Variants in RORB observed in about 807,000 individuals in gnomAD.
The protein encoded by RORB is nuclear receptor ROR-beta.
Under a neutral mutation model 59.1 loss-of-function variants are expected in RORB, and 6 were observed. The ratio of observed to expected loss-of-function variants is 0.10; its 90% CI spans 0.06 to 0.20. The LOEUF (loss-of-function observed/expected upper bound fraction) is 0.20, where lower values mean the gene tolerates loss of function less well. Ranked by LOEUF, RORB falls within the 10% of genes least tolerant of loss-of-function variation. RORB has a pLI of 1.00. For synonymous variants in RORB, 215 were observed against 204.5 expected, an observed-to-expected ratio of 1.05 and a Z score of -0.44; for missense variants, 320 against 560.5, an observed-to-expected ratio of 0.57 and a Z score of 4.33.
At chr9:74,583,108 C>T (rs527955308) in intron 1 of RORB, among the ~76,000 whole-genome samples, 3 of 152,212 alleles carry the variant, frequency 2.0e-5, no homozygotes, top group Admixed American at 6.5e-5. Context: ...CTCCCTCTAC[C>T]CACCCTCTTT....
Position 74,630,384 on chromosome 9 carries a change from C to T in RORB, c.93+17C>T, listed in dbSNP as rs369568665. 3.3e-5 allele frequency: 53 copies of T among 1,599,100 alleles called. No homozygotes were observed. The African/African-American group carries it at 5.4e-4, about 16-fold the overall frequency. On this transcript the variant is annotated intron_variant, in intron 2 of 9. Coordinates refer to ENST00000376896, the MANE Select transcript of RORB (RefSeq NM_006914.4). ...GGCTGCAAGGTATGGGACTTTCATACAGCACGGTTCTGTATTTGCCTCAGG... is the reference window on the plus strand; with the variant it reads ...GGCTGCAAGGTATGGGACTTTCATATAGCACGGTTCTGTATTTGCCTCAGG...
intron 1 of RORB, among the ~76,000 whole-genome samples, chr9:74,527,695 A>C (rs767848238): frequency 6.6e-6 from 1 of 152,032 alleles, no homozygotes; most frequent in Non-Finnish European, 1.5e-5. Flanking sequence ...AAGATTTCCA[A>C]GTCTGATCAC....
At chr9:74,522,886 T>C (rs536837384) in intron 1 of RORB, among the ~76,000 whole-genome samples, 1 of 151,966 alleles carries the variant, frequency 6.6e-6, no homozygotes. Context: ...GAATGTAAAA[T>C]GCATGTGAGC....
At position 74,497,946 on chromosome 9, in the gene RORB, T is replaced by A. The variant is rs1390725595; in HGVS notation, c.-31T>A. 6.2e-7 allele frequency: 1 copy of A among 1,611,422 alleles called. No individual in the cohort carries two copies. Among genetic ancestry groups the A allele is most frequent in the Non-Finnish European group, 8.5e-7 (1 of 1,179,150 alleles). ...GGGGTTCGGGCTGGGAGCAGCTTCA[T>A]GACTACGCGGAGCGGGAGAGCGGCC... On this transcript the variant is annotated 5_prime_UTR_variant, in exon 1 of 10. An upstream start codon of the reference 5' UTR is lost. Transcript: ENST00000376896.
At chr9:74,552,543 A>G (rs570992618) in intron 1 of RORB, among the ~76,000 whole-genome samples, 13 of 152,228 alleles carry the variant, frequency 8.5e-5, no homozygotes, top group Non-Finnish European at 1.5e-4. Context: ...AATGGCTAGC[A>G]TGTAATATGC....
intron 1 of RORB, among the ~76,000 whole-genome samples, chr9:74,601,306 T>C (rs1823051614): frequency 6.6e-6 from 1 of 151,136 alleles, no homozygotes; most frequent in African/African-American, 2.4e-5. Flanking sequence ...AAAGTAATCT[T>C]TTAACAATTG....
At chr9:74,676,863 A>T (rs1824451984) in intron 9 of RORB, among the ~76,000 whole-genome samples, 1 of 152,220 alleles carries the variant, frequency 6.6e-6, no homozygotes, top group South Asian at 2.1e-4. Flanking sequence ...GTCTAAGGTT[A>T]TGTCACGTTA....
intron 5 of RORB, 31 bp from the exon 6 acceptor site, chr9:74,662,443 C>G (rs762439473): frequency 3.1e-6 from 5 of 1,611,692 alleles, no homozygotes; most frequent in Admixed American, 1.7e-5. Context: ...GTCGTTTGCC[C>G]TATTTACATT....
At chr9:74,613,377 A>G (rs1823262851) in intron 1 of RORB, among the ~76,000 whole-genome samples, 1 of 152,220 alleles carries the variant, frequency 6.6e-6, no homozygotes, top group South Asian at 2.1e-4. Flanking sequence ...TCTAATCATA[A>G]CAAATACCTA....
chr9:74,577,330 T>C (rs1456754109), intron 1 of RORB, among the ~76,000 whole-genome samples: 1 of 152,072 alleles, frequency 6.6e-6, no homozygotes, highest in Non-Finnish European at 1.5e-5. Flanking sequence ...TTCCAAATTA[T>C]TACTACTTTA....
intron 1 of RORB, among the ~76,000 whole-genome samples, chr9:74,526,421 T>G (rs1364893869): frequency 1.3e-5 from 2 of 151,870 alleles, no homozygotes; most frequent in African/African-American, 4.8e-5. Context: ...CTCGCCTTCC[T>G]TCCCCTGCTC....
At chr9:74,521,055 G>C (rs980388191) in intron 1 of RORB, among the ~76,000 whole-genome samples, 3 of 151,840 alleles carry the variant, frequency 2.0e-5, no homozygotes, top group African/African-American at 7.2e-5. Context: ...CATAAACATA[G>C]CATCTTCCTG....
chr9:74,497,987 A>C lies in RORB; in HGVS notation c.7+4A>C. ...GAGAGCGGCCACACCATGCGAGGTA[A>C]GCGAGTCTGCGGGCACCGAGGCTCC... On this transcript the variant is annotated splice_donor_region_variant and intron_variant, in intron 1 of 9. Transcript: ENST00000376896. 6.2e-7 allele frequency: 1 copy of C among 1,611,176 alleles called. No homozygotes were observed. Among genetic ancestry groups the C allele is most frequent in the Non-Finnish European group, 8.5e-7 (1 of 1,179,582 alleles).
At chr9:74,500,140 C>A (rs1175619297) in intron 1 of RORB, among the ~76,000 whole-genome samples, 2 of 152,182 alleles carry the variant, frequency 1.3e-5, no homozygotes, top group Non-Finnish European at 2.9e-5. Context: ...CCTCGCCAGG[C>A]GCCCTAGGAC....
At chr9:74,499,601 C>T (rs757854084) in intron 1 of RORB, among the ~76,000 whole-genome samples, 2 of 152,146 alleles carry the variant, frequency 1.3e-5, no homozygotes, top group African/African-American at 4.8e-5. Context: ...CTGATTGTCC[C>T]GGTTGGGGGT....
intron 1 of RORB, among the ~76,000 whole-genome samples, chr9:74,581,287 T>C (rs1188102023): frequency 6.6e-6 from 1 of 151,880 alleles, no homozygotes; most frequent in Non-Finnish European, 1.5e-5. Flanking sequence ...TGGTAAAAGG[T>C]TAGGAAAAGA....
chr9:74,547,800 AT>A (rs1016093198), intron 1 of RORB, among the ~76,000 whole-genome samples: 3 of 152,204 alleles, frequency 2.0e-5, no homozygotes, highest in African/African-American at 7.2e-5. Flanking sequence ...TAAAGAATTT[AT>A]TTTTATGTTA....
intron 1 of RORB, among the ~76,000 whole-genome samples, chr9:74,546,041 TC>T (rs1289770942): frequency 6.6e-6 from 1 of 152,156 alleles, no homozygotes; most frequent in African/African-American, 2.4e-5. Context: ...TTTTTATAGT[TC>T]TAGATAAAAG....
intron 1 of RORB, among the ~76,000 whole-genome samples, chr9:74,616,858 A>T (rs1161954490): frequency 6.6e-6 from 1 of 152,118 alleles, no homozygotes; most frequent in Non-Finnish European, 1.5e-5. Flanking sequence ...AGACACACAC[A>T]CAATTCACTT....
Sources: allele counts gnomAD v4.1 joint callset (sites outside exome capture counted in the v4.1 genomes callset), GRCh38; gene constraint gnomAD v4.1.1; transcripts MANE v1.5; gene names NCBI Gene and HGNC (gene_info 2026-07-23, HGNC 2026-07-21).